ELOVL7: variants seen among roughly 807,000 people sequenced by gnomAD.
ELOVL7 encodes ELOVL fatty acid elongase 7.
In ELOVL7, 27 loss-of-function variants were observed where a neutral mutation model predicts 35.7. The observed-to-expected ratio is 0.76, with a 90% CI of 0.56 to 1.04. The LOEUF is 1.04. ELOVL7 is among the 50% of genes least tolerant of loss of function. ELOVL7 has a pLI of 0.00. For missense variants in ELOVL7, 327 were observed against 340.8 expected, an observed-to-expected ratio of 0.96 and a Z score of 0.32; for synonymous variants, 113 against 114.6, an observed-to-expected ratio of 0.99 and a Z score of 0.09.
intron 8 of ELOVL7, among the ~76,000 whole-genome samples, chr5:60,755,572 G>A (rs1216955023): frequency 1.3e-5 from 2 of 152,076 alleles, no homozygotes; most frequent in Admixed American, 6.5e-5. Flanking sequence ...CAGGAGAATC[G>A]CTTGAACCTG....
chr5:60,791,203 T>C (rs1400519395), intron 2 of ELOVL7, among the ~76,000 whole-genome samples: 2 of 152,130 alleles, frequency 1.3e-5, no homozygotes, highest in East Asian at 3.9e-4. Flanking sequence ...CTCAAACTCC[T>C]TGGGCTCAAG....
chr5:60,787,393 G>A lies in ELOVL7; in HGVS notation c.5C>T (p.Ala2Val), dbSNP rs865939112. The A allele has an allele frequency of 4.4e-6, 7 of 1,599,296 alleles. No individual in the cohort carries two copies. Among genetic ancestry groups the A allele is most frequent in the Non-Finnish European group, 6.0e-6 (7 of 1,174,702 alleles). The stretch of plus-strand genomic sequence containing the variant: ...AGTCCTCGATGTAAGATCACTGAAG[G>A]CCATTTTCCACAGGATTTACTGGCT... The part of the protein sequence containing the change: M[A>V]FSDLTSRTVH... The change falls in exon 3 of 9, where the codon GCC becomes GTC. Residue 2 changes from alanine to valine, a missense_variant. By Grantham distance (64) the Ala-to-Val change is moderately conservative. Transcript: ENST00000508821.
chr5:60,798,114 A>G (rs754806144), intron 2 of ELOVL7, among the ~76,000 whole-genome samples: 1 of 152,116 alleles, frequency 6.6e-6, no homozygotes, highest in Non-Finnish European at 1.5e-5. Flanking sequence ...AAAATGTATA[A>G]AACTAAGCTG....
chr5:60,771,671 G>T (rs1180963727), intron 4 of ELOVL7, among the ~76,000 whole-genome samples: 2 of 152,260 alleles, frequency 1.3e-5, no homozygotes, highest in Admixed American at 6.5e-5. Flanking sequence ...ACAAATCCAT[G>T]GAATAGATGT....
chr5:60,836,319 T>C (rs1407135669), intron 1 of ELOVL7, among the ~76,000 whole-genome samples: 3 of 152,056 alleles, frequency 2.0e-5, no homozygotes. Context: ...AATTCGTCAT[T>C]GGACTCTGGA....
At chr5:60,832,655 C>T (rs561064672) in intron 1 of ELOVL7, among the ~76,000 whole-genome samples, 34 of 152,148 alleles carry the variant, frequency 2.2e-4, no homozygotes, top group Non-Finnish European at 4.1e-4. Flanking sequence ...TGCGCCATCG[C>T]GCCCAGCCGG....
chr5:60,838,936 T>A (rs1388932673), intron 1 of ELOVL7, among the ~76,000 whole-genome samples: 1 of 151,780 alleles, frequency 6.6e-6, no homozygotes, highest in Non-Finnish European at 1.5e-5. Context: ...GGCTGGAGAA[T>A]CACTTGAACC....
chr5:60,816,807 C>G (rs1265053595), intron 1 of ELOVL7, among the ~76,000 whole-genome samples: 4 of 151,934 alleles, frequency 2.6e-5, no homozygotes, highest in Non-Finnish European at 5.9e-5. Flanking sequence ...GGGTAGCCAA[C>G]TGGAAAAAAA....
chr5:60,770,605 T>G (rs1269934625), intron 4 of ELOVL7, among the ~76,000 whole-genome samples: 2 of 152,188 alleles, frequency 1.3e-5, no homozygotes, highest in Non-Finnish European at 2.9e-5. Flanking sequence ...TGAAGGGACA[T>G]TAAGAGTGGC....
chr5:60,826,382 T>A (rs1375868839), intron 1 of ELOVL7, among the ~76,000 whole-genome samples: 2 of 152,176 alleles, frequency 1.3e-5, no homozygotes, highest in African/African-American at 4.8e-5. Flanking sequence ...ATTTTTTTTT[T>A]ACTGTAAAAC....
chr5:60,800,094 A>T (rs1450276485), intron 1 of ELOVL7, among the ~76,000 whole-genome samples: 1 of 152,166 alleles, frequency 6.6e-6, no homozygotes. Flanking sequence ...CTTCGAAAAA[A>T]AAATGAAGAG....
chr5:60,787,285 T>C (rs745543554), intron 3 of ELOVL7, 49 bp downstream of exon 3: 3 of 1,445,300 alleles, frequency 2.1e-6, no homozygotes, highest in South Asian at 2.4e-5. Flanking sequence ...TATGAGAATC[T>C]GACATAAAAA....
chr5:60,787,283 T>A (rs778247196), intron 3 of ELOVL7, 51 bp downstream of exon 3: 17 of 1,429,036 alleles, frequency 1.2e-5, no homozygotes, highest in Admixed American at 1.9e-5. Flanking sequence ...AATATGAGAA[T>A]CTGACATAAA....
chr5:60,830,639 TC>T (rs1746431377), intron 1 of ELOVL7, among the ~76,000 whole-genome samples: 1 of 151,198 alleles, frequency 6.6e-6, no homozygotes, highest in Non-Finnish European at 1.5e-5. Flanking sequence ...GTATGACTAT[TC>T]ATTTTTCAAT....
At chr5:60,793,150 T>C (rs1744041461) in intron 2 of ELOVL7, among the ~76,000 whole-genome samples, 1 of 152,184 alleles carries the variant, frequency 6.6e-6, no homozygotes, top group African/African-American at 2.4e-5. Flanking sequence ...GGTGTTCAGA[T>C]TGTTTTTGGA....
intron 2 of ELOVL7, among the ~76,000 whole-genome samples, chr5:60,795,081 A>C (rs539010569): frequency 6.6e-6 from 1 of 152,350 alleles, no homozygotes; most frequent in South Asian, 2.1e-4. Flanking sequence ...TCAAATGCAG[A>C]AGCTGTTGAG....
At chr5:60,797,972 C>T (rs147780516) in intron 2 of ELOVL7, among the ~76,000 whole-genome samples, 1 of 152,328 alleles carries the variant, frequency 6.6e-6, no homozygotes, top group African/African-American at 2.4e-5. Context: ...AACCCTTTGT[C>T]TCTCACCTAC....
intron 1 of ELOVL7, among the ~76,000 whole-genome samples, chr5:60,812,892 C>T (rs1051186633): frequency 1.3e-5 from 2 of 152,116 alleles, no homozygotes; most frequent in African/African-American, 4.8e-5. Context: ...TGGTTATTTT[C>T]TTCATACCCC....
In ELOVL7 at chr5:60,754,795, G is replaced by A; in HGVS notation, c.675C>T (p.Phe225=). 1.2e-6 allele frequency: 2 copies of A among 1,614,092 alleles called. No homozygotes were observed. The highest frequency in any genetic ancestry group is 1.7e-6 in the Non-Finnish European group (2 of 1,180,010). ...GATACTTGCAATCCTCCATGAAAAA[G>A]AACTGGCTTATGTGGATGGCGACAA... ...FVIVAIHISQ[F]FFMEDCKYQF... Residue 225 remains phenylalanine (F), a synonymous_variant, in exon 9 of 9, where the codon TTC becomes TTT. Coordinates refer to ENST00000508821, the MANE Select transcript of ELOVL7 (RefSeq NM_024930.3).
Sources: allele counts gnomAD v4.1 joint callset (sites outside exome capture counted in the v4.1 genomes callset), GRCh38; gene constraint gnomAD v4.1.1; transcripts MANE v1.5; gene names NCBI Gene and HGNC (gene_info 2026-07-23, HGNC 2026-07-21).